LIPA: variants seen among roughly 807,000 people sequenced by gnomAD.
LIPA encodes lysosomal acid lipase/cholesteryl ester hydrolase.
LIPA carries 26 observed loss-of-function variants against 40.6 expected under a neutral mutation model. The observed-to-expected ratio is 0.64, with a 90% CI of 0.47 to 0.89. The LOEUF (loss-of-function observed/expected upper bound fraction) is 0.89, where lower values mean the gene tolerates loss of function less well. LIPA is among the 40% of genes least tolerant of loss of function. The probability of loss-of-function intolerance (pLI) is 0.00; values close to 1 mark genes in which losing one functional copy is unlikely to be tolerated. For missense variants in LIPA, 455 were observed against 479.6 expected, an observed-to-expected ratio of 0.95 and a Z score of 0.48; for synonymous variants, 188 against 168.4, an observed-to-expected ratio of 1.12 and a Z score of -0.90.
At chr10:89,297,895 C>G (rs1285954646) in intron 1 of LIPA, among the ~76,000 whole-genome samples, 1 of 152,188 alleles carries the variant, frequency 6.6e-6, no homozygotes, top group Non-Finnish European at 1.5e-5. Context: ...TGACTGCACC[C>G]CCACTGGACG....
At chr10:89,412,791 C>T (rs1357201398) in exon 2 of LIPA, 2 of 416,128 alleles carry the variant, frequency 4.8e-6, no homozygotes, top group Non-Finnish European at 9.5e-6. Context: ...ACGAACTCAC[C>T]AGAAGGAAGA....
intron 1 of LIPA, among the ~76,000 whole-genome samples, chr10:89,279,686 A>G (rs1351358312): frequency 3.3e-5 from 5 of 152,220 alleles, no homozygotes; most frequent in Admixed American, 2.6e-4. Context: ...TGACCTTCCC[A>G]TGCTCCCAGA....
chr10:89,293,547 A>C (rs1589591412), intron 1 of LIPA: 2 of 152,140 alleles, frequency 1.3e-5, no homozygotes, highest in Admixed American at 6.5e-5. Context: ...TAGGTGGCTT[A>C]AGCAACAGAA....
intron 1 of LIPA, among the ~76,000 whole-genome samples, chr10:89,329,781 G>A (rs763028357): frequency 6.6e-5 from 10 of 152,148 alleles, no homozygotes; most frequent in South Asian, 2.1e-4. Flanking sequence ...ATGCAAGTCC[G>A]TGTGAAGAGA....
At chr10:89,252,482 TAAC>T (rs919729999), upstream of LIPA, among the ~76,000 whole-genome samples, 37 of 151,866 alleles carry the variant, frequency 2.4e-4, no homozygotes, top group South Asian at 1.0e-3. Context: ...GTGCTATAAA[TAAC>T]AACAAAAACA....
At chr10:89,318,306 T>A (rs1325601911) in intron 1 of LIPA, among the ~76,000 whole-genome samples, 3 of 152,208 alleles carry the variant, frequency 2.0e-5, no homozygotes, top group Admixed American at 2.0e-4. Flanking sequence ...ATCAGTGTGC[T>A]GTATTCAGGA....
intron 1 of LIPA, among the ~76,000 whole-genome samples, chr10:89,294,648 A>G (rs1843398270): frequency 6.6e-6 from 1 of 152,212 alleles, no homozygotes; most frequent in African/African-American, 2.4e-5. Context: ...GCAAGAAGAA[A>G]TGGTGTTTAA....
At chr10:89,312,579 C>G (rs952974667) in intron 1 of LIPA, among the ~76,000 whole-genome samples, 7 of 151,908 alleles carry the variant, frequency 4.6e-5, no homozygotes, top group Non-Finnish European at 7.4e-5. Context: ...TTGACTGAGG[C>G]GGGCGGATCA....
intron 1 of LIPA, among the ~76,000 whole-genome samples, chr10:89,316,199 G>C (rs1843540570): frequency 6.6e-6 from 1 of 152,114 alleles, no homozygotes; most frequent in Non-Finnish European, 1.5e-5. Flanking sequence ...TGAGGTACTG[G>C]GTTCATCTCA....
chr10:89,223,745 T>A lies in LIPA; in HGVS notation c.761A>T (p.Lys254Met), dbSNP rs779125462. The part of the protein sequence containing the change: ...GTHVCTHVIL[K>M]ELCGNLCFLL... ...AAAACAGAGATTTCCACAGAGCTCC[T>A]TCAGTATGACATGAGTGCAAACGTG... Residue 254 changes from lysine (K) to methionine (M), a missense_variant, in exon 7 of 10, where the codon AAG becomes ATG. Lys to Met is a moderately conservative substitution (Grantham distance 95). Coordinates refer to ENST00000336233, the MANE Select transcript of LIPA (RefSeq NM_000235.4). 3 of 1,613,574 alleles carry A rather than the reference T, an allele frequency of 1.9e-6. No individual in the cohort carries two copies. The Admixed American group carries it at 5.0e-5, about 27-fold the overall frequency.
rs369032186 is a variant in LIPA at position 89,303,376 on chromosome 10, G to A, written c.-2+39235C>T. On this transcript the variant is annotated intron_variant, in intron 1 of 5. Coordinates refer to the LIPA transcript ENST00000282673. ...GGCTCCTCAGTGATTCTGAGACTGC[G>A]GTGGTAGCATTAGTTCTGAGCCTGG... Among the ~76,000 whole-genome samples the A allele has an allele frequency of 7.9e-5, 12 of 152,312 alleles. No individual in the cohort carries two copies. In the East Asian group the frequency reaches 1.7e-3, roughly 22 times the overall value.
At chr10:89,295,404 A>T (rs1268693150) in intron 1 of LIPA, among the ~76,000 whole-genome samples, 2 of 152,250 alleles carry the variant, frequency 1.3e-5, no homozygotes, top group African/African-American at 4.8e-5. Flanking sequence ...ATAGAGTTTC[A>T]TTTTATAGAA....
In LIPA at chr10:89,348,969, T is replaced by A. The variant is rs562216169; in HGVS notation, c.61+63822A>T. Among the ~76,000 whole-genome samples the A allele has an allele frequency of 2.0e-5, 3 of 152,248 alleles. No homozygotes were observed. In the South Asian group the frequency reaches 6.2e-4, roughly 32 times the overall value. The stretch of plus-strand genomic sequence containing the variant: ...AGAAATTAGTAATCCTTTTCTGGGG[T>A]CAATTGCATTTAATAATCAAACTTC... On this transcript the variant is annotated intron_variant, in intron 2 of 8. Transcript: ENST00000371837.
chr10:89,215,992 C>T lies in LIPA; in HGVS notation c.912G>A (p.Lys304=), dbSNP rs541939423. The change falls in exon 9 of 10, where the codon AAG becomes AAA. Residue 304 remains lysine, a synonymous_variant. Coordinates refer to ENST00000336233, the MANE Select transcript of LIPA (RefSeq NM_000235.4). The part of the protein sequence containing the change: ...LHWSQAVKFQ[K]FQAFDWGSSA... ...TGCTTCCCCAGTCAAAGGCTTGAAA[C>T]TTTTGGAATTTAACAGCCTAAAAAG... 8 of 1,610,874 alleles carry T rather than the reference C, an allele frequency of 5.0e-6. No homozygotes were observed. In the South Asian group the frequency reaches 6.6e-5, roughly 13 times the overall value.
chr10:89,278,948 C>CAT (rs1157655814), intron 1 of LIPA, among the ~76,000 whole-genome samples: 6 of 151,828 alleles, frequency 4.0e-5, no homozygotes, highest in African/African-American at 9.7e-5. Context: ...CACACAGAGA[C>CAT]ATATATATAA....
intron 1 of LIPA, among the ~76,000 whole-genome samples, chr10:89,304,617 A>G (rs1843466588): frequency 6.6e-6 from 1 of 152,208 alleles, no homozygotes; most frequent in Non-Finnish European, 1.5e-5. Context: ...AAATTTAAAT[A>G]AGAAAAGGCA....
At chr10:89,403,988 A>T in intron 2 of LIPA, 1 of 298,594 alleles carries the variant, frequency 3.3e-6, no homozygotes, top group Non-Finnish European at 6.1e-6. Context: ...CTTACACTAA[A>T]TGTTTAATTC....
upstream of LIPA, among the ~76,000 whole-genome samples, chr10:89,254,006 C>T (rs1322749150): frequency 6.6e-6 from 1 of 152,256 alleles, no homozygotes; most frequent in Non-Finnish European, 1.5e-5. Flanking sequence ...GGGGACCCTT[C>T]CTCCTGGCTC....
At chr10:89,393,468 C>CA (rs1302914287) in intron 2 of LIPA, 1 of 423,402 alleles carries the variant, frequency 2.4e-6, no homozygotes, top group Non-Finnish European at 4.0e-6. Context: ...CAAGGGGGCT[C>CA]ATGCTTGTAA....
Sources: allele counts gnomAD v4.1 joint callset (sites outside exome capture counted in the v4.1 genomes callset), GRCh38; gene constraint gnomAD v4.1.1; transcripts MANE v1.5; gene names NCBI Gene and HGNC (gene_info 2026-07-23, HGNC 2026-07-21).